Variants in RNLS observed in about 807,000 individuals in gnomAD.
The protein encoded by RNLS is renalase, FAD dependent amine oxidase.
In RNLS, 39 loss-of-function variants were observed where a neutral mutation model predicts 39.8. The ratio of observed to expected loss-of-function variants is 0.98; its 90% CI spans 0.76 to 1.28. The LOEUF (loss-of-function observed/expected upper bound fraction) is 1.28, where lower values mean the gene tolerates loss of function less well. Among genes scored for constraint, RNLS ranks in the 50% most tolerant of loss-of-function variants. The pLI, the probability that RNLS is intolerant of heterozygous loss-of-function variation, is 0.00. For missense variants in RNLS, 410 were observed against 413.3 expected (o/e 0.99, Z 0.07); for synonymous variants, 147 against 150.7 (o/e 0.98, Z 0.18).
chr10:88,355,199 C>T (rs1849058333), intron 5 of RNLS, among the ~76,000 whole-genome samples: 1 of 152,182 alleles, frequency 6.6e-6, no homozygotes, highest in South Asian at 2.1e-4. Context: ...CATCTGAAGC[C>T]TTCTTCTCTC....
chr10:88,442,348 C>T (rs1841762490), intron 4 of RNLS, among the ~76,000 whole-genome samples: 2 of 152,214 alleles, frequency 1.3e-5, no homozygotes, highest in South Asian at 4.2e-4. Context: ...ATTAAACTTC[C>T]CTTATATTCA....
intron 5 of RNLS, among the ~76,000 whole-genome samples, chr10:88,338,366 G>A (rs1847662028): frequency 6.6e-6 from 1 of 152,212 alleles, no homozygotes; most frequent in Non-Finnish European, 1.5e-5. Flanking sequence ...AAAAAGCACT[G>A]CATTATTTAA....
At position 88,538,398 on chromosome 10, in the gene RNLS, T is replaced by C. The variant is rs1249356313; in HGVS notation, c.526+34505A>G. Among the ~76,000 whole-genome samples, 10 of 152,262 alleles carry C rather than the reference T, an allele frequency of 6.6e-5. No individual in the cohort carries two copies. In the East Asian group the frequency reaches 1.9e-3, roughly 29 times the overall value. On this transcript the variant is annotated intron_variant, in intron 4 of 6. Transcript: ENST00000331772. The stretch of plus-strand genomic sequence containing the variant: ...AGACTTCAAAAAATACAACAAACAA[T>C]GTGACCTCATTAACCCTTAGAAAAG...
At chr10:88,383,742 G>A (rs578147703) in intron 4 of RNLS, among the ~76,000 whole-genome samples, 1 of 152,242 alleles carries the variant, frequency 6.6e-6, no homozygotes, top group African/African-American at 2.4e-5. Flanking sequence ...AATTCTTTAA[G>A]TGCTTTTTAA....
rs190865380 is a variant in RNLS, at chr10:88,553,174, T to C, written c.526+19729A>G. Among the ~76,000 whole-genome samples, 44 of 152,336 alleles carry C rather than the reference T, an allele frequency of 2.9e-4. 1 individual carries two copies. The highest frequency in any genetic ancestry group is 3.4e-4 in the Non-Finnish European group (23 of 68,036). On this transcript the variant is annotated intron_variant, in intron 4 of 6. Transcript: ENST00000331772. ...GGATGGAGTTCATTTTGACAATTTG[T>C]TTACTAAGAATTGCACCAGAAAACT...
intron 5 of RNLS, among the ~76,000 whole-genome samples, chr10:88,321,756 A>G (rs1846199705): frequency 1.3e-5 from 2 of 152,150 alleles, no homozygotes; most frequent in African/African-American, 4.8e-5. Flanking sequence ...AGATGAAATT[A>G]AAATGCTGAA....
At chr10:88,356,912 T>C (rs1849237216) in intron 5 of RNLS, among the ~76,000 whole-genome samples, 1 of 152,180 alleles carries the variant, frequency 6.6e-6, no homozygotes, top group African/African-American at 2.4e-5. Context: ...TATTGATCAT[T>C]AACACTCCTC....
At chr10:88,312,979 G>A (rs999344958) in intron 6 of RNLS, among the ~76,000 whole-genome samples, 32 of 152,234 alleles carry the variant, frequency 2.1e-4, no homozygotes, top group African/African-American at 7.0e-4. Flanking sequence ...CTCCCTTTCA[G>A]GTTTTGCAGC....
intron 5 of RNLS, among the ~76,000 whole-genome samples, chr10:88,351,787 C>T (rs1848729962): frequency 1.3e-5 from 2 of 152,132 alleles, no homozygotes; most frequent in Non-Finnish European, 1.5e-5. Flanking sequence ...CTATAAATTA[C>T]CTTGGGCAGT....
chr10:88,381,525 T>G (rs76761246), intron 4 of RNLS, among the ~76,000 whole-genome samples: 1 of 151,848 alleles, frequency 6.6e-6, no homozygotes, highest in East Asian at 1.9e-4. Context: ...TTGTTTTTTA[T>G]ATTCAGCTTT....
chr10:88,570,986 TTTG>T (rs1849793830), intron 4 of RNLS, among the ~76,000 whole-genome samples: 2 of 121,330 alleles, frequency 1.6e-5, no homozygotes, highest in Admixed American at 8.6e-5. Flanking sequence ...TTTTTTTTGG[TTTG>T]TTTTTTTTTT....
At chr10:88,569,994 C>A (rs1043828329) in intron 4 of RNLS, among the ~76,000 whole-genome samples, 1 of 152,044 alleles carries the variant, frequency 6.6e-6, no homozygotes, top group African/African-American at 2.4e-5. Flanking sequence ...AATGGTTTTA[C>A]CAGTGAATTC....
At chr10:88,279,862 TACTC>T (rs1162317546), downstream of RNLS, among the ~76,000 whole-genome samples, 7 of 152,142 alleles carry the variant, frequency 4.6e-5, no homozygotes, top group Non-Finnish European at 7.4e-5. Context: ...GCTGTCTACT[TACTC>T]ACTGTAGTTG....
At chr10:88,431,102 T>C (rs1358252645) in intron 4 of RNLS, among the ~76,000 whole-genome samples, 1 of 151,738 alleles carries the variant, frequency 6.6e-6, no homozygotes, top group African/African-American at 2.4e-5. Flanking sequence ...CTATATGTCC[T>C]GGAATTTTCT....
At chr10:88,246,926 G>A in the RNLS span, among the ~76,000 whole-genome samples, 3 of 152,200 alleles carry the variant, frequency 2.0e-5, no homozygotes, top group Non-Finnish European at 4.4e-5. Context: ...AATCTGACAT[G>A]TGTTTTGACT....
the RNLS span, among the ~76,000 whole-genome samples, chr10:88,241,575 G>T: frequency 1.3e-5 from 2 of 151,504 alleles, no homozygotes; most frequent in Non-Finnish European, 2.9e-5. Context: ...TACTTTTTTT[G>T]AAACAACCAG....
At chr10:88,474,968 GAAAGT>G (rs1162478815) in intron 4 of RNLS, among the ~76,000 whole-genome samples, 2 of 152,078 alleles carry the variant, frequency 1.3e-5, no homozygotes, top group African/African-American at 4.8e-5. Context: ...AGTAGTTGGA[GAAAGT>G]AGTCAGCTCC....
At chr10:88,521,712 G>A (rs1332699638) in intron 4 of RNLS, among the ~76,000 whole-genome samples, 4 of 151,974 alleles carry the variant, frequency 2.6e-5, no homozygotes, top group Admixed American at 6.6e-5. Context: ...ACACAGAACT[G>A]GGGCTTGGAG....
At chr10:88,516,091 C>T (rs1451753368) in intron 4 of RNLS, among the ~76,000 whole-genome samples, 2 of 151,950 alleles carry the variant, frequency 1.3e-5, no homozygotes, top group Non-Finnish European at 2.9e-5. Context: ...TCAGATGAAA[C>T]CAACCTGCCA....
Sources: allele counts gnomAD v4.1 joint callset (sites outside exome capture counted in the v4.1 genomes callset), GRCh38; gene constraint gnomAD v4.1.1; transcripts MANE v1.5; gene names NCBI Gene and HGNC (gene_info 2026-07-23, HGNC 2026-07-21).